SYT1: variants seen among roughly 807,000 people sequenced by gnomAD.
SYT1 encodes synaptotagmin 1.
Under a neutral mutation model 44.8 loss-of-function variants are expected in SYT1, and 8 were observed. The ratio of observed to expected loss-of-function variants is 0.18; its 90% CI spans 0.10 to 0.32. SYT1 has a LOEUF of 0.32. Ranked by LOEUF, SYT1 falls within the 10% of genes least tolerant of loss-of-function variation. The pLI is 1.00. For synonymous variants in SYT1, 154 were observed against 188.8 expected (o/e 0.82, Z 1.51); for missense variants, 286 against 509.3 (o/e 0.56, Z 4.22).
At chr12:79,014,352 T>A (rs1398561529) in intron 2 of SYT1, among the ~76,000 whole-genome samples, 1 of 152,158 alleles carries the variant, frequency 6.6e-6, no homozygotes, top group Admixed American at 6.6e-5. Context: ...TGTTTAGAAT[T>A]CTTCCCTTTA....
intron 3 of SYT1, among the ~76,000 whole-genome samples, chr12:79,093,523 T>C (rs1877920010): frequency 6.6e-6 from 1 of 151,708 alleles, no homozygotes; most frequent in South Asian, 2.1e-4. Flanking sequence ...AGTTTAGTTT[T>C]TTACCAGTGC....
At chr12:79,100,586 C>T (rs1878392055) in intron 3 of SYT1, among the ~76,000 whole-genome samples, 1 of 151,936 alleles carries the variant, frequency 6.6e-6, no homozygotes, top group Non-Finnish European at 1.5e-5. Flanking sequence ...AAGGTATAAA[C>T]CAAAATACTT....
chr12:79,435,586 G>A (rs962631274), intron 9 of SYT1, among the ~76,000 whole-genome samples: 1 of 152,098 alleles, frequency 6.6e-6, no homozygotes, highest in Non-Finnish European at 1.5e-5. Flanking sequence ...TTCCTATCTT[G>A]TTGTTCTGCT....
At position 79,259,483 on chromosome 12, in the gene SYT1, C is replaced by T. The variant is rs191114524; in HGVS notation, c.167-26304C>T. Among the ~76,000 whole-genome samples, 547 of 152,236 alleles carry T rather than the reference C, an allele frequency of 3.6e-3. 2 individuals are homozygous for T. In the Middle Eastern group the frequency reaches 0.037, roughly 10 times the overall value. ...ATGTGGTGGCTCATGCCTATAATCC[C>T]AGCACTTTAGGAAGCAAAGACTGGA... On this transcript the variant is annotated intron_variant, in intron 4 of 10. Transcript: ENST00000261205.
intron 3 of SYT1, among the ~76,000 whole-genome samples, chr12:79,176,927 T>C (rs570047703): frequency 2.6e-5 from 4 of 151,836 alleles, no homozygotes; most frequent in Non-Finnish European, 5.9e-5. Flanking sequence ...CAATCACACA[T>C]CCAAAAATTG....
At chr12:79,084,909 G>T (rs375592169) in intron 3 of SYT1, among the ~76,000 whole-genome samples, 20 of 151,908 alleles carry the variant, frequency 1.3e-4, no homozygotes, top group East Asian at 9.7e-4. Flanking sequence ...TGAATTTTTT[G>T]ATTTTTTTCA....
intron 8 of SYT1, among the ~76,000 whole-genome samples, chr12:79,304,636 G>C (rs1592947035): frequency 6.6e-6 from 1 of 152,024 alleles, no homozygotes; most frequent in East Asian, 1.9e-4. Flanking sequence ...TTATTTAAAT[G>C]TAAGACTGAA....
At chr12:78,900,361 A>G (rs1875594088) in intron 1 of SYT1, among the ~76,000 whole-genome samples, 1 of 152,168 alleles carries the variant, frequency 6.6e-6, no homozygotes, top group Non-Finnish European at 1.5e-5. Flanking sequence ...ATGTTAATAC[A>G]TTATAACTAT....
intron 3 of SYT1, among the ~76,000 whole-genome samples, chr12:79,143,361 G>T (rs575115049): frequency 3.7e-4 from 56 of 152,234 alleles, no homozygotes; most frequent in African/African-American, 1.3e-3. Context: ...ATGTAAATTT[G>T]CTCACTGGTA....
At chr12:78,987,953 C>T (rs1017291326) in intron 2 of SYT1, among the ~76,000 whole-genome samples, 1 of 152,064 alleles carries the variant, frequency 6.6e-6, no homozygotes, top group Non-Finnish European at 1.5e-5. Flanking sequence ...GCCCATAAAC[C>T]ATCCTGTCAG....
intron 9 of SYT1, among the ~76,000 whole-genome samples, chr12:79,364,651 T>C (rs762066595): frequency 6.6e-6 from 1 of 152,180 alleles, no homozygotes; most frequent in Non-Finnish European, 1.5e-5. Flanking sequence ...TTTTATATCC[T>C]CAGAACCACT....
chr12:79,279,678 T>G (rs1290981486), intron 4 of SYT1, among the ~76,000 whole-genome samples: 1 of 151,850 alleles, frequency 6.6e-6, no homozygotes, highest in Non-Finnish European at 1.5e-5. Context: ...AATAAAGAAA[T>G]AAAGAGCATC....
At chr12:79,201,572 AG>A (rs1055488747) in intron 3 of SYT1, among the ~76,000 whole-genome samples, 1 of 152,176 alleles carries the variant, frequency 6.6e-6, no homozygotes, top group African/African-American at 2.4e-5. Context: ...CCAATTCACA[AG>A]GGGCTAATAT....
chr12:79,435,611 T>C (rs1870046194), intron 9 of SYT1, among the ~76,000 whole-genome samples: 1 of 152,174 alleles, frequency 6.6e-6, no homozygotes, highest in African/African-American at 2.4e-5. Context: ...TGCTAGGGTA[T>C]TGTCTTCATG....
intron 3 of SYT1, among the ~76,000 whole-genome samples, chr12:79,166,351 T>C (rs1186374695): frequency 1.3e-5 from 2 of 151,986 alleles, no homozygotes; most frequent in Non-Finnish European, 2.9e-5. Context: ...ATAATGAATA[T>C]AAACATTTAA....
chr12:78,941,314 C>T (rs999920918), intron 1 of SYT1, among the ~76,000 whole-genome samples: 2 of 151,358 alleles, frequency 1.3e-5, no homozygotes, highest in African/African-American at 2.4e-5. Context: ...CCTCGTGATC[C>T]GCCTGCCTCA....
intron 8 of SYT1, among the ~76,000 whole-genome samples, chr12:79,309,424 G>T (rs1303875498): frequency 2.0e-5 from 3 of 151,728 alleles, no homozygotes; most frequent in Non-Finnish European, 4.4e-5. Flanking sequence ...TTTGAGGCCA[G>T]CTTCAGATTT....
At chr12:78,941,217 C>T (rs371004664) in intron 1 of SYT1, among the ~76,000 whole-genome samples, 11 of 151,384 alleles carry the variant, frequency 7.3e-5, no homozygotes, top group Admixed American at 2.6e-4. Flanking sequence ...GGATTACAGG[C>T]GCCTGCCACC....
chr12:78,927,960 T>C (rs2137187606), intron 1 of SYT1, among the ~76,000 whole-genome samples: 1 of 152,320 alleles, frequency 6.6e-6, no homozygotes, highest in South Asian at 2.1e-4. Flanking sequence ...TGTTTTTCGG[T>C]ATTTCTCCCC....
Sources: allele counts gnomAD v4.1 joint callset (sites outside exome capture counted in the v4.1 genomes callset), GRCh38; gene constraint gnomAD v4.1.1; transcripts MANE v1.5; gene names NCBI Gene and HGNC (gene_info 2026-07-23, HGNC 2026-07-21).